The following RANBP2 variants were observed in gnomAD, a reference collection of about 807,000 sequenced individuals.
RANBP2 encodes E3 SUMO-protein ligase RanBP2.
A neutral mutation model predicts 303.6 loss-of-function variants in RANBP2; 57 were observed. That is an observed-to-expected ratio of 0.19 (90% CI 0.15 to 0.23). RANBP2 has a LOEUF of 0.23. RANBP2 is among the 10% of genes least tolerant of loss of function. The pLI, the probability that RANBP2 is intolerant of heterozygous loss-of-function variation, is 1.00. For missense variants in RANBP2, 3,138 were observed against 3,780.8 expected, an observed-to-expected ratio of 0.83 and a Z score of 4.46; for synonymous variants, 1,167 against 1,301.5, an observed-to-expected ratio of 0.90 and a Z score of 2.23.
chr2:109,080,797 A>G, the RANBP2 span, among the ~76,000 whole-genome samples: 1 of 152,256 alleles, frequency 6.6e-6, no homozygotes, highest in Non-Finnish European at 1.5e-5. Flanking sequence ...TCCTACATCC[A>G]GGAAATCATT....
At chr2:109,520,914 T>TG in the RANBP2 span, among the ~76,000 whole-genome samples, 2 of 85,882 alleles carry the variant, frequency 2.3e-5, no homozygotes, top group Non-Finnish European at 5.9e-5. Flanking sequence ...CTAGCCTAGG[T>TG]GACAGAGCAA....
At chr2:109,057,342 C>T in the RANBP2 span, among the ~76,000 whole-genome samples, 6 of 152,118 alleles carry the variant, frequency 3.9e-5, no homozygotes, top group African/African-American at 1.2e-4. Flanking sequence ...TTCATATTTC[C>T]AGTGATGTAA....
At chr2:108,952,151 A>C in the RANBP2 span, among the ~76,000 whole-genome samples, 4 of 152,240 alleles carry the variant, frequency 2.6e-5, no homozygotes, top group Non-Finnish European at 5.9e-5. Context: ...ATTTGATATC[A>C]TCTCAAGGAC....
At chr2:108,818,236 G>C in the RANBP2 span, among the ~76,000 whole-genome samples, 2 of 152,128 alleles carry the variant, frequency 1.3e-5, no homozygotes, top group African/African-American at 4.8e-5. Context: ...AACCTGGGGG[G>C]GTCGAGGCTG....
chr2:109,500,076 G>T, the RANBP2 span, among the ~76,000 whole-genome samples: 1 of 152,170 alleles, frequency 6.6e-6, no homozygotes, highest in Non-Finnish European at 1.5e-5. Flanking sequence ...GACAGTGTGT[G>T]GCTGTCCTCA....
chr2:109,666,921 T>C, the RANBP2 span, among the ~76,000 whole-genome samples: 1 of 152,180 alleles, frequency 6.6e-6, no homozygotes, highest in Admixed American at 6.5e-5. Context: ...AAGTATAAGC[T>C]ATTTGTATTT....
chr2:109,539,348 A>G, the RANBP2 span, among the ~76,000 whole-genome samples: 1 of 152,120 alleles, frequency 6.6e-6, no homozygotes. Context: ...TTACAAATGT[A>G]TGTAGCCATG....
At chr2:109,001,840 C>T in the RANBP2 span, among the ~76,000 whole-genome samples, 12 of 152,234 alleles carry the variant, frequency 7.9e-5, no homozygotes, top group South Asian at 2.1e-3. Context: ...ATGCCATTCT[C>T]CTGCCTCAGC....
At chr2:108,787,951 A>G, downstream of RANBP2, 2 of 1,161,494 alleles carry the variant, frequency 1.7e-6, no homozygotes, top group Non-Finnish European at 2.4e-6. Context: ...TTTGTAATTA[A>G]TACATAATTT....
the RANBP2 span, among the ~76,000 whole-genome samples, chr2:109,102,017 C>T: frequency 3.9e-5 from 6 of 152,172 alleles, no homozygotes; most frequent in Non-Finnish European, 7.3e-5. Flanking sequence ...TAACAAAAAT[C>T]CAAAAGGTGT....
At chr2:109,501,587 G>A in the RANBP2 span, 2 of 779,732 alleles carry the variant, frequency 2.6e-6, no homozygotes, top group East Asian at 2.4e-5. Context: ...TGCACAAGAA[G>A]CGTGAGGACG....
the RANBP2 span, among the ~76,000 whole-genome samples, chr2:109,286,360 A>G: frequency 1.3e-5 from 2 of 152,136 alleles, no homozygotes; most frequent in African/African-American, 4.8e-5. Context: ...TGGTCACTCC[A>G]GGGGGCCCTT....
At chr2:108,844,683 C>T in the RANBP2 span, among the ~76,000 whole-genome samples, 3 of 151,774 alleles carry the variant, frequency 2.0e-5, no homozygotes, top group South Asian at 6.2e-4. Flanking sequence ...GCTTCAGCAA[C>T]AACCCAGAGT....
chr2:109,494,756 A>T, the RANBP2 span, among the ~76,000 whole-genome samples: 1 of 152,076 alleles, frequency 6.6e-6, no homozygotes, highest in East Asian at 1.9e-4. Flanking sequence ...CAAAATGCCA[A>T]GGAGGAATGG....
the RANBP2 span, among the ~76,000 whole-genome samples, chr2:108,932,876 A>C: frequency 2.0e-5 from 3 of 152,344 alleles, no homozygotes; most frequent in South Asian, 6.2e-4. Flanking sequence ...TGTGGAACTA[A>C]TCAGTTAACT....
the RANBP2 span, chr2:109,437,145 AG>A: frequency 6.2e-7 from 1 of 1,607,508 alleles, no homozygotes; most frequent in Non-Finnish European, 8.5e-7. Context: ...CCATTTCAAC[AG>A]GTACCTTCAC....
chr2:109,427,259 G>A, the RANBP2 span, among the ~76,000 whole-genome samples: 3 of 152,248 alleles, frequency 2.0e-5, no homozygotes, highest in Middle Eastern at 3.4e-3. Context: ...GTGAGTCACC[G>A]TGCCTGGACA....
At chr2:109,541,292 T>A in the RANBP2 span, among the ~76,000 whole-genome samples, 1 of 152,240 alleles carries the variant, frequency 6.6e-6, no homozygotes, top group South Asian at 2.1e-4. Context: ...TCACTATGTA[T>A]TTTCAAGTCT....
chr2:109,103,069 G>A, the RANBP2 span, among the ~76,000 whole-genome samples: 2 of 152,186 alleles, frequency 1.3e-5, no homozygotes, highest in Non-Finnish European at 2.9e-5. Flanking sequence ...TGAGCACCAC[G>A]TGTGTGCAGC....
Sources: gnomAD v4.1 joint callset for allele counts (sites outside exome capture counted in the v4.1 genomes callset) on GRCh38, gnomAD v4.1.1 for gene constraint, MANE v1.5 for transcripts, NCBI Gene and HGNC (gene_info 2026-07-23, HGNC 2026-07-21) for gene names.